The following NUP58 variants were observed in gnomAD, a reference collection of about 807,000 sequenced individuals.
NUP58 encodes the protein nucleoporin 58, also known as nucleoporin p58/p45.
NUP58 carries 17 observed loss-of-function variants against 70.1 expected under a neutral mutation model. That is an observed-to-expected ratio of 0.24 (90% CI 0.17 to 0.36). The LOEUF (loss-of-function observed/expected upper bound fraction) is 0.36. NUP58 is among the 10% of genes least tolerant of loss of function. NUP58 has a pLI of 1.00. For synonymous variants in NUP58, 275 were observed against 257.6 expected (o/e 1.07, Z -0.65); for missense variants, 644 against 701.5 (o/e 0.92, Z 0.93).
At chr13:25,302,910 T>C (rs1344249370) in intron 1 of NUP58, 6 of 453,070 alleles carry the variant, frequency 1.3e-5, no homozygotes, top group Admixed American at 4.8e-5. Flanking sequence ...GCCATTTCTG[T>C]TTGTCTTTAT....
chr13:25,316,733 A>T (rs969329306), intron 6 of NUP58, among the ~76,000 whole-genome samples: 12 of 152,154 alleles, frequency 7.9e-5, no homozygotes, highest in African/African-American at 2.9e-4. Context: ...CTTCTCTATT[A>T]TAATTGTTTT....
intron 1 of NUP58, among the ~76,000 whole-genome samples, chr13:25,303,847 G>A (rs1449686727): frequency 6.6e-6 from 1 of 152,156 alleles, no homozygotes; most frequent in African/African-American, 2.4e-5. Flanking sequence ...TAGAAAAAGG[G>A]CTTTAATAAC....
chr13:25,320,417 G>A (rs1257980744), intron 7 of NUP58, 113 bp from the exon 8 acceptor site: 20 of 642,728 alleles, frequency 3.1e-5, no homozygotes, highest in South Asian at 4.1e-5. Flanking sequence ...GAAGCCATAC[G>A]TGCTTTTTTG....
At chr13:25,319,610 A>T (rs2031093993) in intron 7 of NUP58, among the ~76,000 whole-genome samples, 1 of 152,152 alleles carries the variant, frequency 6.6e-6, no homozygotes, top group Non-Finnish European at 1.5e-5. Context: ...ATAAATAAAT[A>T]CAAATATGTG....
In NUP58 at chr13:25,320,958, T is replaced by C. The variant is rs377687875; in HGVS notation, c.816T>C (p.Ile272=). ...AGCAGAAACAAGTTCAAGAAGAAAT[T>C]AGTAGAATGTCTTCAAAAGCAATGC... ...VKEQKQVQEE[I]SRMSSKAMLK... The change falls in exon 9 of 16, where the codon ATT becomes ATC. Residue 272 remains isoleucine (I), a synonymous_variant. Coordinates refer to ENST00000381736, the MANE Select transcript of NUP58 (RefSeq NM_014089.4). 2.5e-6 allele frequency: 4 copies of C among 1,575,182 alleles called. No homozygotes were observed. Among genetic ancestry groups the C allele is most frequent in the East Asian group, 4.5e-5 (2 of 44,008 alleles).
At position 25,339,818 on chromosome 13, in the gene NUP58, T is replaced by C. The variant is rs552675769; in HGVS notation, c.1631-147T>C. The C allele has an allele frequency of 1.1e-5, 7 of 663,226 alleles. No individual in the cohort carries two copies. The South Asian group carries it at 1.8e-4, about 17-fold the overall frequency. The allele number at this position is 663,226 out of a possible 1,614,324, so 41.1% of individuals were successfully genotyped here. On this transcript the variant is annotated intron_variant, in intron 15 of 15. Transcript: ENST00000381736. ...GCTATATTATTTTCCTGTTAAAATTTCATGTTAGAAATTTAGGGCTTTAAT... is the reference window on the plus strand; with the variant it reads ...GCTATATTATTTTCCTGTTAAAATTCCATGTTAGAAATTTAGGGCTTTAAT...
chr13:25,313,430 C>T (rs774576944), intron 4 of NUP58, among the ~76,000 whole-genome samples, 184 bp from the exon 5 acceptor site: 3 of 152,104 alleles, frequency 2.0e-5, no homozygotes, highest in Admixed American at 6.6e-5. Flanking sequence ...TTATTTCTGT[C>T]GCAGATTTTT....
At chr13:25,304,473 C>G (rs74732931) in intron 1 of NUP58, among the ~76,000 whole-genome samples, 2,275 of 99,694 alleles carry the variant, frequency 0.023, 94 homozygotes, top group African/African-American at 0.09. Flanking sequence ...GTTATGTTGT[C>G]AAGATTATAT....
At chr13:25,331,644 C>A in intron 13 of NUP58, 86 bp downstream of exon 13, 1 of 1,521,152 alleles carries the variant, frequency 6.6e-7, no homozygotes, top group Non-Finnish European at 8.9e-7. Context: ...TTTGTGTGAG[C>A]ACTGAAGAAA....
At chr13:25,319,753 A>G (rs577342640) in intron 7 of NUP58, among the ~76,000 whole-genome samples, 2 of 152,122 alleles carry the variant, frequency 1.3e-5, no homozygotes. Context: ...AATAGCCTCC[A>G]TATACATCAT....
intron 13 of NUP58, chr13:25,333,812 C>T: frequency 2.0e-6 from 2 of 985,352 alleles, no homozygotes; most frequent in Non-Finnish European, 2.4e-6. Flanking sequence ...TTTAGACCAT[C>T]TAGATGAGGG....
At chr13:25,303,750 GTC>G (rs1258547444) in intron 1 of NUP58, among the ~76,000 whole-genome samples, 2 of 152,136 alleles carry the variant, frequency 1.3e-5, no homozygotes, top group African/African-American at 4.8e-5. Context: ...TAATACCTAT[GTC>G]TCTCACTGAC....
Position 25,340,062 on chromosome 13 carries a change from A to G in NUP58, c.1728A>G (p.Ala576=), listed in dbSNP as rs760567664. 1 of 1,613,950 alleles carries G rather than the reference A, an allele frequency of 6.2e-7. No individual in the cohort carries two copies. The highest frequency in any genetic ancestry group is 8.5e-7 in the Non-Finnish European group (1 of 1,179,952). ...TTGGGGTGTCCAATCCTGCCTCTGCAGGTTTTGGAACAGGAGGACAACTCC... is the reference window on the plus strand; with the variant it reads ...TTGGGGTGTCCAATCCTGCCTCTGCGGGTTTTGGAACAGGAGGACAACTCC... ...LTFGVSNPAS[A]GFGTGGQLLQ... is the part of the protein sequence containing the mutation. Residue 576 remains alanine (A), a synonymous_variant, in exon 16 of 16, where the codon GCA becomes GCG. Coordinates refer to ENST00000381736, the MANE Select transcript of NUP58 (RefSeq NM_014089.4).
intron 1 of NUP58, among the ~76,000 whole-genome samples, chr13:25,305,142 T>TTTTTTTTTG (rs2030269030): frequency 7.7e-5 from 1 of 12,908 alleles, no homozygotes; most frequent in African/African-American, 1.1e-4. Context: ...TTTTTTTTTT[T>TTTTTTTTTG]TTTTTTTTTT....
At chr13:25,305,142 T>TGTTTG (rs1320913716) in intron 1 of NUP58, among the ~76,000 whole-genome samples, 2 of 12,932 alleles carry the variant, frequency 1.5e-4, no homozygotes, top group African/African-American at 2.2e-4. Context: ...TTTTTTTTTT[T>TGTTTG]TTTTTTTTTT....
chr13:25,332,259 T>A (rs181354524), intron 13 of NUP58: 3 of 985,532 alleles, frequency 3.0e-6, no homozygotes, highest in Non-Finnish European at 3.6e-6. Flanking sequence ...GAAAGCAGAT[T>A]GTTTTATTTC....
intron 14 of NUP58, among the ~76,000 whole-genome samples, chr13:25,338,143 T>C (rs558883292): frequency 5.9e-5 from 9 of 152,310 alleles, no homozygotes; most frequent in Admixed American, 1.3e-4. Flanking sequence ...ATTATGTAGT[T>C]ATGCAGAGTT....
At position 25,325,077 on chromosome 13, in the gene NUP58, C is replaced by T. The variant is rs1166583697; in HGVS notation, c.1031+9C>T. 1.3e-6 allele frequency: 2 copies of T among 1,589,288 alleles called. No homozygotes were observed. Among genetic ancestry groups the T allele is most frequent in the Non-Finnish European group, 1.7e-6 (2 of 1,163,548 alleles). On this transcript the variant is annotated intron_variant, in intron 10 of 15. Coordinates refer to ENST00000381736, the MANE Select transcript of NUP58 (RefSeq NM_014089.4). ...TATGCAGCTCCTGCTGAGTAAGTTGCTGGATTTTTAAAAACAAATGTTTCT... is the reference window on the plus strand; with the variant it reads ...TATGCAGCTCCTGCTGAGTAAGTTGTTGGATTTTTAAAAACAAATGTTTCT...
chr13:25,331,720 T>A, intron 13 of NUP58, 162 bp downstream of exon 13: 1 of 1,433,156 alleles, frequency 7.0e-7, no homozygotes, highest in Admixed American at 2.9e-5. Context: ...ACATACCTGA[T>A]AAAAAAGGCA....
Sources: gnomAD v4.1 joint callset for allele counts (sites outside exome capture counted in the v4.1 genomes callset) on GRCh38, gnomAD v4.1.1 for gene constraint, MANE v1.5 for transcripts, NCBI Gene and HGNC (gene_info 2026-07-23, HGNC 2026-07-21) for gene names.